ANKS1A: variants seen among roughly 807,000 people sequenced by gnomAD.
The protein encoded by ANKS1A is ankyrin repeat and sterile alpha motif domain containing 1A.
ANKS1A carries 55 observed loss-of-function variants against 120.3 expected under a neutral mutation model. The observed-to-expected ratio is 0.46, with a 90% CI of 0.37 to 0.57. The LOEUF is 0.57. Ranked by LOEUF, ANKS1A falls within the 20% of genes least tolerant of loss-of-function variation. ANKS1A has a pLI of 0.00. For missense variants in ANKS1A, 1,123 were observed against 1,480.3 expected (o/e 0.76, Z 3.96); for synonymous variants, 590 against 604.7 (o/e 0.98, Z 0.36).
At position 34,983,922 on chromosome 6, in the gene ANKS1A, C is replaced by T. The variant is rs571159781; in HGVS notation, c.1012+497C>T. Among the ~76,000 whole-genome samples the T allele has an allele frequency of 1.5e-3, 220 of 151,574 alleles. 1 individual carries two copies. The highest frequency in any genetic ancestry group is 2.7e-3 in the Non-Finnish European group (186 of 67,920). ...TTCTCCTGCCTCAGCCTCCCAAGTA[C>T]GTGGGATTACAGGCACCTCCCACTA... On this transcript the variant is annotated intron_variant, in intron 7 of 23. Transcript: ENST00000360359.
chr6:34,922,694 C>CTTTT lies in ANKS1A; in HGVS notation c.197+33110_197+33113dup, dbSNP rs61568974. 4.9e-4 allele frequency among the ~76,000 whole-genome samples: 63 copies of CTTTT among 127,848 alleles called. 2 individuals carry two copies. The highest frequency in any genetic ancestry group is 1.7e-3 in the African/African-American group (57 of 33,764). 83.9% of individuals were successfully genotyped at this position (127,848 alleles called of 152,430 possible). A position where few individuals can be genotyped will look rare whatever the true frequency, so the allele number is the denominator to read the frequency against. ...CATGGAGGATTGAATCTGGGCATTT[C>CTTTT]TTTTTTTTTTTTTTTTTTGTGACGG... On this transcript the variant is annotated intron_variant, in intron 1 of 23. Transcript: ENST00000360359.
intron 11 of ANKS1A, among the ~76,000 whole-genome samples, chr6:35,020,997 A>C (rs1158008374): frequency 6.6e-6 from 1 of 152,246 alleles, no homozygotes; most frequent in Non-Finnish European, 1.5e-5. Context: ...CCTAAACATT[A>C]ACAGGGCCCT....
chr6:35,069,720 T>A (rs145252675), intron 13 of ANKS1A, among the ~76,000 whole-genome samples: 114,171 of 150,570 alleles, frequency 0.76, 43,775 homozygotes, highest in South Asian at 0.89. Context: ...TATATATATT[T>A]TTTTTTTTAA....
chr6:34,907,578 G>A (rs1001133430), intron 1 of ANKS1A, among the ~76,000 whole-genome samples: 6 of 152,182 alleles, frequency 3.9e-5, no homozygotes, highest in African/African-American at 1.4e-4. Context: ...CATTGTTTAA[G>A]TATCAGCTTT....
chr6:35,080,872 G>A lies in ANKS1A; in HGVS notation c.2545-122G>A, dbSNP rs986041864. Reference sequence around the variant, plus strand: ...ACACCCCTGTGGTGTTGGCCCCTTCGCTCCCTGCTGCTTCTCCCGGTGCCG... The same window carrying A: ...ACACCCCTGTGGTGTTGGCCCCTTCACTCCCTGCTGCTTCTCCCGGTGCCG... On this transcript the variant is annotated intron_variant, in intron 16 of 23. Coordinates refer to ENST00000360359, the MANE Select transcript of ANKS1A (RefSeq NM_015245.3). 23 of 1,248,046 alleles carry A rather than the reference G, an allele frequency of 1.8e-5. No individual in the cohort carries two copies. In the African/African-American group the frequency reaches 2.4e-4, roughly 13 times the overall value. 77.3% of individuals were successfully genotyped at this position (1,248,046 alleles called of 1,614,324 possible).
At chr6:35,007,558 C>G (rs1016675358) in intron 10 of ANKS1A, among the ~76,000 whole-genome samples, 2 of 152,148 alleles carry the variant, frequency 1.3e-5, no homozygotes, top group African/African-American at 4.8e-5. Context: ...CATATTACCA[C>G]TTGGAGAAAT....
chr6:34,945,342 TG>T (rs1422636341), intron 1 of ANKS1A, among the ~76,000 whole-genome samples: 3 of 152,206 alleles, frequency 2.0e-5, no homozygotes, highest in Non-Finnish European at 1.5e-5. Flanking sequence ...CTGCCCACAG[TG>T]CTGGGATTAC....
At chr6:35,008,824 A>G (rs1773596541) in intron 10 of ANKS1A, among the ~76,000 whole-genome samples, 1 of 152,260 alleles carries the variant, frequency 6.6e-6, no homozygotes, top group Non-Finnish European at 1.5e-5. Flanking sequence ...GTAAGAGATC[A>G]TGGATGGCTT....
At chr6:34,903,757 C>T (rs1767492397) in intron 1 of ANKS1A, among the ~76,000 whole-genome samples, 1 of 152,164 alleles carries the variant, frequency 6.6e-6, no homozygotes, top group Non-Finnish European at 1.5e-5. Context: ...CCTTGTGAGC[C>T]ACCCGCCTCG....
At chr6:34,988,144 A>G (rs1354617401) in intron 8 of ANKS1A, among the ~76,000 whole-genome samples, 1 of 152,216 alleles carries the variant, frequency 6.6e-6, no homozygotes, top group African/African-American at 2.4e-5. Flanking sequence ...GACAGTCCAC[A>G]AGCGTCTGTT....
chr6:35,005,557 G>A (rs766726027), intron 10 of ANKS1A, among the ~76,000 whole-genome samples: 2 of 152,158 alleles, frequency 1.3e-5, no homozygotes, highest in Non-Finnish European at 2.9e-5. Flanking sequence ...TAGATTGTTA[G>A]GGAATTATTG....
chr6:35,083,037 G>C (rs2127611852), intron 18 of ANKS1A, 118 bp from the exon 19 acceptor site: 1 of 1,355,960 alleles, frequency 7.4e-7, no homozygotes, highest in Non-Finnish European at 1.0e-6. Context: ...GGGCAGGAGA[G>C]GGGGTGTTGT....
At chr6:34,937,512 G>A (rs1250951249) in intron 1 of ANKS1A, among the ~76,000 whole-genome samples, 1 of 152,034 alleles carries the variant, frequency 6.6e-6, no homozygotes, top group Non-Finnish European at 1.5e-5. Flanking sequence ...TACTGTGGAA[G>A]GAAGATCAGA....
At chr6:34,937,875 C>T (rs1233020646) in intron 1 of ANKS1A, among the ~76,000 whole-genome samples, 3 of 152,172 alleles carry the variant, frequency 2.0e-5, no homozygotes, top group Admixed American at 2.0e-4. Context: ...ATCAGTTACA[C>T]CTCATAGCCT....
chr6:34,981,315 C>T (rs192934875), intron 3 of ANKS1A, among the ~76,000 whole-genome samples: 117 of 152,272 alleles, frequency 7.7e-4, no homozygotes, highest in South Asian at 1.5e-3. Context: ...ATTGTAAAAC[C>T]ATTTGAAGTT....
chr6:34,963,988 G>A (rs928561952), intron 1 of ANKS1A, among the ~76,000 whole-genome samples: 3 of 152,078 alleles, frequency 2.0e-5, no homozygotes, highest in Non-Finnish European at 4.4e-5. Context: ...CTATTGAGTT[G>A]TTTTGAGTTC....
At chr6:35,055,332 A>T (rs977015423) in intron 12 of ANKS1A, among the ~76,000 whole-genome samples, 26 of 150,698 alleles carry the variant, frequency 1.7e-4, no homozygotes, top group Admixed American at 4.6e-4. Flanking sequence ...GATAAAAAAA[A>T]ATTTTTTTTT....
In ANKS1A at chr6:35,079,549, C is replaced by T. The variant is rs565711217; in HGVS notation, c.2317C>T (p.Pro773Ser). ...KALGYDGNSPPSVPSWLDSLG... is the reference protein window; with the variant it reads ...KALGYDGNSPSSVPSWLDSLG... ...TCTGGGTTATGACGGGAACAGCCCC[C>T]CTAGCGTGCCCTCCTGGCTGGACTC... is the stretch of plus-strand genomic sequence containing the variant. Residue 773 changes from proline to serine, a missense_variant, in exon 15 of 24, where the codon CCT (proline) becomes TCT (serine). Around this residue, in one of 3 missense-constraint regions of ANKS1A, gnomAD observed 904 missense variants for 1,130.4 expected, o/e 0.80. Coordinates refer to ENST00000360359, the MANE Select transcript of ANKS1A (RefSeq NM_015245.3). The T allele has an allele frequency of 2.1e-5, 34 of 1,613,692 alleles. 2 individuals are homozygous for T. In the South Asian group the frequency reaches 3.1e-4, roughly 15 times the overall value.
In ANKS1A at chr6:35,086,203, G is replaced by A. The variant is rs748477320; in HGVS notation, c.3303+267G>A. On this transcript the variant is annotated intron_variant, in intron 22 of 23. Coordinates refer to ENST00000360359, the MANE Select transcript of ANKS1A (RefSeq NM_015245.3). This position sits in a 1 kb window ranked among gnomAD's most constrained non-coding sequence, Gnocchi z 5.1. ...AGGCCGTCAAGGGGCTGCAGAGAGC[G>A]GCCTGCAGGCAGCCCCCAGTAACTG... is the stretch of plus-strand genomic sequence containing the variant. The A allele has an allele frequency of 1.2e-4, 155 of 1,319,752 alleles. No homozygotes were observed. Among genetic ancestry groups the A allele is most frequent in the Non-Finnish European group, 1.5e-4 (146 of 979,560 alleles). 81.8% of individuals were successfully genotyped at this position (1,319,752 alleles called of 1,614,324 possible). A position where few individuals can be genotyped will look rare whatever the true frequency, so the allele number is the denominator to read the frequency against.
Sources: gnomAD v4.1 joint callset for allele counts (sites outside exome capture counted in the v4.1 genomes callset) on GRCh38, gnomAD v4.1.1 for gene constraint, gnomAD v4.1.1 regional missense constraint, Gnocchi (gnomAD v3.1) non-coding constraint, MANE v1.5 for transcripts, NCBI Gene and HGNC (gene_info 2026-07-23, HGNC 2026-07-21) for gene names.